The following FBXO43 variants were observed in gnomAD, a reference collection of about 807,000 sequenced individuals.
FBXO43 encodes the protein F-box only protein 43.
In FBXO43, 22 loss-of-function variants were observed where a neutral mutation model predicts 56.7. That is an observed-to-expected ratio of 0.39 (90% confidence interval 0.28 to 0.55). The LOEUF (loss-of-function observed/expected upper bound fraction) is 0.55, where lower values mean the gene tolerates loss of function less well. FBXO43 is among the 20% of genes least tolerant of loss of function. The pLI is 0.66. For missense variants in FBXO43, 733 were observed against 814.9 expected (o/e 0.90, Z 1.22); for synonymous variants, 306 against 294.5 (o/e 1.04, Z -0.40).
chr8:100,144,702 C>T lies in FBXO43; in HGVS notation c.85+349G>A, dbSNP rs547374335. Among the ~76,000 whole-genome samples the T allele has an allele frequency of 7.3e-5, 11 of 150,782 alleles. 1 individual carries two copies. The highest frequency in any genetic ancestry group is 4.0e-4 in the Admixed American group (6 of 15,180). ...ATCCCAGCACTTTGGGAGGCCGGGG[C>T]GGGCGGATCACGAGGTCAGGAGAGC... On this transcript the variant is annotated intron_variant, in intron 1 of 4. Transcript: ENST00000428847.
intron 1 of FBXO43, among the ~76,000 whole-genome samples, chr8:100,144,391 T>C (rs1209842835): frequency 6.6e-6 from 1 of 152,066 alleles, no homozygotes; most frequent in African/African-American, 2.4e-5. Context: ...TGAAGTTGCC[T>C]CCAACGTCCT....
rs1489426432 is a variant in FBXO43 at position 100,141,847 on chromosome 8, T to C, written c.407A>G (p.Asp136Gly). 2.5e-6 allele frequency: 4 copies of C among 1,591,264 alleles called. No individual in the cohort carries two copies. In the East Asian group the frequency reaches 8.9e-5, roughly 36 times the overall value. ...TGTTTCACAAAGTTCTGGGGTTTTA[T>C]CCTTTTCCTTTCTAGGCAAGATACA... Reference protein sequence around the residue: ...KKCILPRKEKDKTPELCETPK... With the variant: ...KKCILPRKEKGKTPELCETPK... The change falls in exon 2 of 5, where the codon GAT (aspartate) becomes GGT (glycine). Residue 136 changes from aspartate (D) to glycine (G), a missense_variant. Coordinates refer to ENST00000428847, the MANE Select transcript of FBXO43 (RefSeq NM_001029860.4).
intron 2 of FBXO43, among the ~76,000 whole-genome samples, chr8:100,139,395 C>A (rs1814570628): frequency 6.6e-6 from 1 of 152,076 alleles, no homozygotes; most frequent in Admixed American, 6.5e-5. Flanking sequence ...GAGTTGCAGA[C>A]CAGCCTGAGC....
chr8:100,140,860 T>G lies in FBXO43; in HGVS notation c.1394A>C (p.Glu465Ala). Residue 465 changes from glutamate to alanine, a missense_variant, in exon 2 of 5, where the codon GAA becomes GCA. Glu to Ala is a moderately radical substitution (Grantham distance 107). Transcript: ENST00000428847. ...CTCCCCATCCCCTTGCTCTAAGAAT[T>G]CATGTCCACTATTTTCCTGTAATCT... ...RKRLQENSGH[E>A]FLEQGDGEKI... 1 of 1,614,238 alleles carries G rather than the reference T, an allele frequency of 6.2e-7. No individual in the cohort carries two copies. The highest frequency in any genetic ancestry group is 8.5e-7 in the Non-Finnish European group (1 of 1,180,046).
At chr8:100,143,321 C>A (rs926615747) in intron 1 of FBXO43, among the ~76,000 whole-genome samples, 2 of 152,098 alleles carry the variant, frequency 1.3e-5, no homozygotes, top group African/African-American at 4.8e-5. Context: ...GGCTGTAATG[C>A]GACAGTAATT....
chr8:100,142,018 T>C lies in FBXO43; in HGVS notation c.236A>G (p.Asn79Ser), dbSNP rs746182552. 2.0e-5 allele frequency: 33 copies of C among 1,613,792 alleles called. No homozygotes were observed. The highest frequency in any genetic ancestry group is 2.6e-5 in the Non-Finnish European group (31 of 1,179,964). ...STSSFQDSGY[N>S]ELKSCSFDNI... is the part of the protein sequence containing the mutation. ...ATCAAAGCTACAAGATTTTAACTCA[T>C]TGTAGCCACTATCTTGAAATGAAGA... The change falls in exon 2 of 5, where the codon AAT (asparagine) becomes AGT (serine). Residue 79 changes from asparagine (N) to serine (S), a missense_variant. Physicochemically the swap from Asn to Ser is conservative, Grantham distance 46. Coordinates refer to ENST00000428847, the MANE Select transcript of FBXO43 (RefSeq NM_001029860.4).
intron 2 of FBXO43, among the ~76,000 whole-genome samples, chr8:100,140,426 C>T (rs1045366246): frequency 6.6e-6 from 1 of 152,078 alleles, no homozygotes; most frequent in Admixed American, 6.5e-5. Flanking sequence ...GCCGAGATCA[C>T]GCCACTGCAC....
In FBXO43 at chr8:100,140,722, G is replaced by C. The variant is rs764369802; in HGVS notation, c.1532C>G (p.Ala511Gly). 6.2e-7 allele frequency: 1 copy of C among 1,611,686 alleles called. No homozygotes were observed. The highest frequency in any genetic ancestry group is 8.5e-7 in the Non-Finnish European group (1 of 1,179,038). The change falls in exon 2 of 5, where the codon GCT (alanine) becomes GGT (glycine). Residue 511 changes from alanine (A) to glycine (G), a missense_variant. Coordinates refer to ENST00000428847, the MANE Select transcript of FBXO43 (RefSeq NM_001029860.4). ...LKYRNLKHIL[A>G]MVLESLTAES... is the part of the protein sequence containing the mutation. ...TGCGGTCAAGGACTCTAAAACCATA[G>C]CAAGAATATGCTTTAAATTTCTATA...
At chr8:100,137,461 G>A (rs757995611) in intron 3 of FBXO43, 104 bp downstream of exon 3, 25 of 701,356 alleles carry the variant, frequency 3.6e-5, no homozygotes, top group Middle Eastern at 3.4e-4. Context: ...TTTGTTAAAT[G>A]GAAAAGGTTA....
chr8:100,145,975 C>A (rs1814823619), upstream of FBXO43, among the ~76,000 whole-genome samples: 1 of 152,238 alleles, frequency 6.6e-6, no homozygotes, highest in Non-Finnish European at 1.5e-5. Context: ...ACCCCTGCAC[C>A]CGTCCCGAGG....
intron 3 of FBXO43, among the ~76,000 whole-genome samples, chr8:100,136,253 G>T (rs1195205841): frequency 6.6e-6 from 1 of 152,186 alleles, no homozygotes; most frequent in East Asian, 1.9e-4. Context: ...CAAAGTTTTA[G>T]TTAATAGCAG....
rs1814786512 is a variant in FBXO43 at position 100,145,076 on chromosome 8, T to A, written c.60A>T (p.Thr20=). 6.2e-7 allele frequency: 1 copy of A among 1,612,212 alleles called. No homozygotes were observed. The highest frequency in any genetic ancestry group is 8.5e-7 in the Non-Finnish European group (1 of 1,178,652). ...CATCAGTAAATCTTGAGCTCTTAGATGTCAAAGTTACGTAGGCTTCCAAAC... is the reference window on the plus strand; with the variant it reads ...CATCAGTAAATCTTGAGCTCTTAGAAGTCAAAGTTACGTAGGCTTCCAAAC... ...ISCLEAYVTL[T]SKSSRFTDET... is the part of the protein sequence containing the mutation. The change falls in exon 1 of 5, where the codon ACA becomes ACT. Residue 20 remains threonine (T), a synonymous_variant. Transcript: ENST00000428847.
At chr8:100,134,509 A>C (rs996737280) in intron 3 of FBXO43, 145 bp from the exon 4 acceptor site, 21 of 516,618 alleles carry the variant, frequency 4.1e-5, no homozygotes, top group Admixed American at 1.6e-4. Flanking sequence ...AGAAAAAAAA[A>C]CAAACAAAAC....
At chr8:100,136,521 A>T (rs1814475685) in intron 3 of FBXO43, among the ~76,000 whole-genome samples, 1 of 152,228 alleles carries the variant, frequency 6.6e-6, no homozygotes, top group South Asian at 2.1e-4. Context: ...GCCTGAGAGG[A>T]ATCCATCAGC....
chr8:100,139,131 C>G (rs1343912032), intron 2 of FBXO43, among the ~76,000 whole-genome samples: 2 of 152,174 alleles, frequency 1.3e-5, no homozygotes, highest in East Asian at 3.9e-4. Flanking sequence ...CCTTGAGTGG[C>G]TGTTAGCAGG....
At chr8:100,144,612 C>A (rs1814760926) in intron 1 of FBXO43, among the ~76,000 whole-genome samples, 2 of 147,452 alleles carry the variant, frequency 1.4e-5, no homozygotes, top group African/African-American at 5.1e-5. Flanking sequence ...AAACTTATTC[C>A]TAAAGTGTTC....
Position 100,134,257 on chromosome 8 carries a change from C to T in FBXO43, c.1782G>A (p.Glu594=), listed in dbSNP as rs1225297259. 4 of 1,614,126 alleles carry T rather than the reference C, an allele frequency of 2.5e-6. No homozygotes were observed. Among genetic ancestry groups the T allele is most frequent in the Non-Finnish European group, 3.4e-6 (4 of 1,180,002 alleles). The change falls in exon 4 of 5, where the codon GAG becomes GAA. Residue 594 remains glutamate (E), a synonymous_variant. Transcript: ENST00000428847. ...CCCAGGGAGATAATGTTGACCCTTG[C>T]TCTCTCTGAGAACCAGGTATCCTAG... The part of the protein sequence containing the change: ...AQARIPGSQR[E]QGSTLSPWGE...
rs373092371 is a variant in FBXO43 at position 100,134,364 on chromosome 8, C to A, written c.1675G>T (p.Gly559Trp). 6.8e-6 allele frequency: 11 copies of A among 1,612,792 alleles called. No homozygotes were observed. Among genetic ancestry groups the A allele is most frequent in the Non-Finnish European group, 7.6e-6 (9 of 1,179,914 alleles). ...YITQLKTDSEGAVLNVEDAAT... is the reference protein window; with the variant it reads ...YITQLKTDSEWAVLNVEDAAT... ...GCATCCTCGACATTTAATACAGCCCCCTGTGGTAAAGGACAAGAGGCATCA... is the reference window on the plus strand; with the variant it reads ...GCATCCTCGACATTTAATACAGCCCACTGTGGTAAAGGACAAGAGGCATCA... Residue 559 changes from glycine to tryptophan, a missense_variant and splice_region_variant, in exon 4 of 5, where the codon GGG becomes TGG. By Grantham distance (184) the Gly-to-Trp change is radical. Transcript: ENST00000428847.
At position 100,142,173 on chromosome 8, in the gene FBXO43, A is replaced by G. The variant is rs1814683062; in HGVS notation, c.86-5T>C. The G allele has an allele frequency of 7.2e-6, 11 of 1,536,386 alleles. No individual in the cohort carries two copies. The highest frequency in any genetic ancestry group is 1.4e-5 in the African/African-American group (1 of 71,858). ...ACATCTTCAAAATCTCTGTTTCTGC[A>G]AAGTGACAACAAAGTTATTCTGCCT... On this transcript the variant is annotated splice_region_variant and splice_polypyrimidine_tract_variant and intron_variant, in intron 1 of 4. Coordinates refer to ENST00000428847, the MANE Select transcript of FBXO43 (RefSeq NM_001029860.4).
Sources: allele counts gnomAD v4.1 joint callset (sites outside exome capture counted in the v4.1 genomes callset), GRCh38; gene constraint gnomAD v4.1.1; transcripts MANE v1.5; gene names NCBI Gene and HGNC (gene_info 2026-07-23, HGNC 2026-07-21).